The following SIPA1L1 variants were observed in gnomAD, a reference collection of about 807,000 sequenced individuals.
SIPA1L1 encodes the protein signal induced proliferation associated 1 like 1.
In SIPA1L1, 26 loss-of-function variants were observed where a neutral mutation model predicts 162.7. The observed-to-expected ratio is 0.16, with a 90% CI of 0.12 to 0.22. SIPA1L1 has a LOEUF of 0.22. Among genes scored for constraint, SIPA1L1 ranks in the 10% least tolerant of loss-of-function variants. SIPA1L1 has a pLI of 1.00. For synonymous variants in SIPA1L1, 829 were observed against 837.4 expected, an observed-to-expected ratio of 0.99 and a Z score of 0.17; for missense variants, 1,874 against 2,241.0, an observed-to-expected ratio of 0.84 and a Z score of 3.31.
intron 4 of SIPA1L1, among the ~76,000 whole-genome samples, chr14:71,568,930 T>G (rs934497792): frequency 6.6e-6 from 1 of 152,228 alleles, no homozygotes; most frequent in Non-Finnish European, 1.5e-5. Context: ...ATATTCATAA[T>G]GTTTCTTTCC....
intron 6 of SIPA1L1, 89 bp downstream of exon 6, chr14:71,618,976 C>A: frequency 1.5e-6 from 2 of 1,378,354 alleles, no homozygotes; most frequent in Non-Finnish European, 2.0e-6. Context: ...AATTTAATAG[C>A]ACATGGTTAC....
At chr14:71,539,965 G>T (rs768619192) in intron 4 of SIPA1L1, among the ~76,000 whole-genome samples, 10 of 152,198 alleles carry the variant, frequency 6.6e-5, no homozygotes, top group Non-Finnish European at 1.0e-4. Flanking sequence ...ATCTGAGCAG[G>T]CGCCTCATCC....
intron 4 of SIPA1L1, among the ~76,000 whole-genome samples, chr14:71,571,894 C>T (rs544229755): frequency 7.7e-4 from 117 of 151,662 alleles, no homozygotes; most frequent in Admixed American, 9.2e-4. Context: ...CCTCATGATC[C>T]GCTCGCTTCA....
At chr14:71,494,395 T>C (rs2049545063) in intron 2 of SIPA1L1, among the ~76,000 whole-genome samples, 1 of 152,176 alleles carries the variant, frequency 6.6e-6, no homozygotes. Flanking sequence ...TTTTGTCCTT[T>C]ATTAATATGT....
intron 2 of SIPA1L1, among the ~76,000 whole-genome samples, chr14:71,454,019 A>G (rs1159207984): frequency 6.6e-6 from 1 of 150,778 alleles, no homozygotes; most frequent in South Asian, 2.1e-4. Flanking sequence ...AAAAAAAAAA[A>G]AAAAAAGGAA....
At chr14:71,549,971 G>T (rs184875722) in intron 4 of SIPA1L1, among the ~76,000 whole-genome samples, 1 of 152,146 alleles carries the variant, frequency 6.6e-6, no homozygotes, top group East Asian at 1.9e-4. Flanking sequence ...TGGACAAGGC[G>T]AAGGGAGCTG....
intron 2 of SIPA1L1, among the ~76,000 whole-genome samples, chr14:71,410,157 C>A (rs894834901): frequency 3.9e-5 from 6 of 152,136 alleles, no homozygotes; most frequent in African/African-American, 1.4e-4. Context: ...AATGACAATA[C>A]TGTATTTAAT....
At chr14:71,565,711 T>C (rs1193241271) in intron 4 of SIPA1L1, among the ~76,000 whole-genome samples, 1 of 152,192 alleles carries the variant, frequency 6.6e-6, no homozygotes, top group East Asian at 1.9e-4. Context: ...TTTTATAACT[T>C]TCTTACTGAT....
intron 5 of SIPA1L1, among the ~76,000 whole-genome samples, chr14:71,607,450 G>A (rs573377811): frequency 4.6e-5 from 7 of 152,212 alleles, no homozygotes; most frequent in Non-Finnish European, 8.8e-5. Context: ...AGGCAAGGTG[G>A]GAGAACTGCT....
intron 8 of SIPA1L1, among the ~76,000 whole-genome samples, chr14:71,656,422 A>T (rs1330839497): frequency 6.6e-6 from 1 of 152,156 alleles, no homozygotes; most frequent in Non-Finnish European, 1.5e-5. Context: ...CATTCACTTT[A>T]AAGTTTTAAA....
intron 4 of SIPA1L1, among the ~76,000 whole-genome samples, chr14:71,579,454 G>A (rs1177893306): frequency 2.0e-5 from 3 of 152,162 alleles, no homozygotes; most frequent in Non-Finnish European, 4.4e-5. Context: ...GTGCTGGTGA[G>A]GACTGAAGGA....
chr14:71,546,380 T>TTC (rs994550646), intron 4 of SIPA1L1, among the ~76,000 whole-genome samples: 6 of 143,218 alleles, frequency 4.2e-5, no homozygotes, highest in African/African-American at 1.5e-4. Context: ...TTCTTTCTTT[T>TTC]TTTTTTTTTT....
chr14:71,395,217 T>C (rs2041087598), intron 2 of SIPA1L1, among the ~76,000 whole-genome samples: 1 of 152,180 alleles, frequency 6.6e-6, no homozygotes, highest in Non-Finnish European at 1.5e-5. Context: ...AAGTGTGAAA[T>C]TGTCAGCCAC....
At position 71,605,099 on chromosome 14, in the gene SIPA1L1, G is replaced by C. The variant is rs530653741; in HGVS notation, c.1499-13658G>C. On this transcript the variant is annotated intron_variant, in intron 5 of 23. Transcript: ENST00000381232. The stretch of plus-strand genomic sequence containing the variant: ...TATTCTTTTTTTGCAATTTTTGACT[G>C]ACTATGTTATTTCAAAAGATCTGTC... Among the ~76,000 whole-genome samples the C allele has an allele frequency of 3.3e-5, 5 of 151,860 alleles. No homozygotes were observed. In the South Asian group the frequency reaches 1.0e-3, roughly 32 times the overall value.
chr14:71,653,301 G>A (rs191361221), intron 8 of SIPA1L1, among the ~76,000 whole-genome samples: 20 of 152,184 alleles, frequency 1.3e-4, no homozygotes, highest in Non-Finnish European at 2.9e-5. Flanking sequence ...GAATTGTTTG[G>A]CTTATAATTC....
intron 2 of SIPA1L1, among the ~76,000 whole-genome samples, chr14:71,349,021 G>A (rs1335003612): frequency 6.6e-6 from 1 of 152,244 alleles, no homozygotes; most frequent in East Asian, 1.9e-4. Flanking sequence ...CAAGGGTTGT[G>A]GTCAGTACTA....
chr14:71,599,852 A>G (rs1217500581), intron 5 of SIPA1L1, among the ~76,000 whole-genome samples: 3 of 152,130 alleles, frequency 2.0e-5, no homozygotes, highest in Non-Finnish European at 4.4e-5. Flanking sequence ...TTTGCTTTGC[A>G]TTCCTCTGAT....
At chr14:71,351,711 CAACTTATTGTTT>C (rs1265082624) in intron 2 of SIPA1L1, among the ~76,000 whole-genome samples, 1 of 152,136 alleles carries the variant, frequency 6.6e-6, no homozygotes, top group African/African-American at 2.4e-5. Context: ...GAACAACAAC[CAACTTATTGTTT>C]AAATATAACA....
chr14:71,558,190 A>G (rs1004401181), intron 4 of SIPA1L1, among the ~76,000 whole-genome samples: 3 of 152,210 alleles, frequency 2.0e-5, no homozygotes, highest in African/African-American at 4.8e-5. Flanking sequence ...GATGCCTCAA[A>G]TATTTATGGA....
Sources: gnomAD v4.1 joint callset for allele counts (sites outside exome capture counted in the v4.1 genomes callset) on GRCh38, gnomAD v4.1.1 for gene constraint, MANE v1.5 for transcripts, NCBI Gene and HGNC (gene_info 2026-07-23, HGNC 2026-07-21) for gene names.